TECR: variants seen among roughly 807,000 people sequenced by gnomAD.
TECR encodes the protein trans-2,3-enoyl-CoA reductase.
In TECR, 19 loss-of-function variants were observed where a neutral mutation model predicts 50.6. The observed-to-expected ratio is 0.38, with a 90% confidence interval of 0.26 to 0.55. TECR has a LOEUF of 0.55. Among genes scored for constraint, TECR ranks in the 20% least tolerant of loss-of-function variants. The probability of loss-of-function intolerance (pLI) is 0.79; values close to 1 mark genes in which losing one functional copy is unlikely to be tolerated. For synonymous variants in TECR, 168 were observed against 163.5 expected (o/e 1.03, Z -0.21); for missense variants, 313 against 408.3 (o/e 0.77, Z 2.01).
intron 1 of TECR, chr19:14,529,946 G>T (rs1599397198): frequency 3.3e-6 from 2 of 611,368 alleles, no homozygotes; most frequent in South Asian, 1.9e-5. Context: ...TTTCTTGGGG[G>T]TCTCTGCAGG....
intron 1 of TECR, among the ~76,000 whole-genome samples, chr19:14,557,710 C>T (rs1282290696): frequency 1.3e-5 from 2 of 151,248 alleles, no homozygotes; most frequent in Non-Finnish European, 2.9e-5. Context: ...CCTTGGCCTC[C>T]CAAAGTGCTA....
intron 1 of TECR, among the ~76,000 whole-genome samples, chr19:14,561,013 G>A (rs1436572968): frequency 1.3e-5 from 2 of 152,134 alleles, no homozygotes; most frequent in Non-Finnish European, 2.9e-5. Flanking sequence ...GGTCCCCCAG[G>A]GACTACAAGG....
intron 1 of TECR, among the ~76,000 whole-genome samples, chr19:14,538,053 G>T (rs2072967257): frequency 6.6e-6 from 1 of 152,148 alleles, no homozygotes; most frequent in African/African-American, 2.4e-5. Flanking sequence ...CAGTGTGAGT[G>T]CTTCTTATCT....
At chr19:14,542,790 G>C (rs1441683884) in intron 1 of TECR, among the ~76,000 whole-genome samples, 1 of 152,040 alleles carries the variant, frequency 6.6e-6, no homozygotes, top group Non-Finnish European at 1.5e-5. Flanking sequence ...GCTGCATGTG[G>C]GTCATGAGTG....
chr19:14,559,440 C>T (rs572914187), intron 1 of TECR, among the ~76,000 whole-genome samples: 6 of 152,146 alleles, frequency 3.9e-5, no homozygotes, highest in Middle Eastern at 3.4e-3. Context: ...TGTTTCCTAG[C>T]GTAACTTATT....
At chr19:14,529,486 C>A, upstream of TECR, 1 of 695,710 alleles carries the variant, frequency 1.4e-6, no homozygotes, top group Non-Finnish European at 2.6e-6. Flanking sequence ...TAGTCCTAGT[C>A]TTGGTTCGGA....
At chr19:14,549,904 C>T (rs2073435759) in intron 1 of TECR, among the ~76,000 whole-genome samples, 1 of 151,670 alleles carries the variant, frequency 6.6e-6, no homozygotes, top group Admixed American at 6.6e-5. Context: ...GATTGTGCCA[C>T]TGCGCTCCAG....
At chr19:14,529,512 A>T (rs1338335867), upstream of TECR, 1 of 773,556 alleles carries the variant, frequency 1.3e-6, no homozygotes, top group African/African-American at 1.7e-5. Context: ...CCCAAGGAGC[A>T]GGGGCGAACG....
At chr19:14,532,512 CAAAAAAAAAAAAA>C (rs748457923) in intron 1 of TECR, 1 of 73,708 alleles carries the variant, frequency 1.4e-5, no homozygotes, top group Admixed American at 1.5e-4. Flanking sequence ...GAGTCTGTCT[CAAAAAAAAAAAAA>C]AAAAAAAAAA....
chr19:14,565,659 C>T lies in TECR; in HGVS notation c.795C>T (p.Leu265=), dbSNP rs1158309573. 6.2e-7 allele frequency: 1 copy of T among 1,612,376 alleles called. No individual in the cohort carries two copies. Among genetic ancestry groups the T allele is most frequent in the East Asian group, 2.2e-5 (1 of 44,860 alleles). The change falls in exon 12 of 13, where the codon CTC becomes CTT. Residue 265 remains leucine (L), a synonymous_variant. Transcript: ENST00000215567. The part of the protein sequence containing the change: ...WIGFAIMTQC[L]PVALFSLVGF... ...GTTTCGCCATCATGACGCAGTGTCT[C>T]CCAGGTGAGCCTGCCGCCCTCCCTC...
chr19:14,561,621 A>G (rs1231334035), intron 1 of TECR, among the ~76,000 whole-genome samples: 1 of 152,096 alleles, frequency 6.6e-6, no homozygotes, highest in East Asian at 1.9e-4. Context: ...AGCCTGCCCC[A>G]CAGGTGGCTA....
chr19:14,564,039 G>A lies in TECR; in HGVS notation c.325G>A (p.Val109Met), dbSNP rs1568430685. Reference protein sequence around the residue: ...LFIYLLFYFRVPFIYGHKYDF... With the variant: ...LFIYLLFYFRMPFIYGHKYDF... ...CATCTACCTGCTCTTCTACTTCCGA[G>A]TGCCCTTCATCTATGGCCACAAATA... The change falls in exon 6 of 13, where the codon GTG becomes ATG. Residue 109 changes from valine to methionine, a missense_variant. Physicochemically the swap from Val to Met is conservative, Grantham distance 21 (BLOSUM62 1). Coordinates refer to ENST00000215567, the MANE Select transcript of TECR (RefSeq NM_138501.6). 1 of 1,613,868 alleles carries A rather than the reference G, an allele frequency of 6.2e-7. No homozygotes were observed. The highest frequency in any genetic ancestry group is 8.5e-7 in the Non-Finnish European group (1 of 1,179,940).
chr19:14,557,905 A>G (rs913951437), intron 1 of TECR, among the ~76,000 whole-genome samples: 2 of 151,458 alleles, frequency 1.3e-5, no homozygotes, highest in African/African-American at 4.9e-5. Flanking sequence ...ACAGGCACCC[A>G]CCACCGCACC....
chr19:14,551,852 C>T (rs1450924224), intron 1 of TECR, among the ~76,000 whole-genome samples: 1 of 150,654 alleles, frequency 6.6e-6, no homozygotes, highest in African/African-American at 2.4e-5. Context: ...TTGGTTTTAC[C>T]CTTATTTCTT....
chr19:14,556,562 C>T (rs969593917), intron 1 of TECR, among the ~76,000 whole-genome samples: 2 of 152,128 alleles, frequency 1.3e-5, no homozygotes, highest in Non-Finnish European at 2.9e-5. Context: ...GTCCCATGAA[C>T]CCCAGAGGCT....
chr19:14,555,181 C>T (rs556282550), intron 1 of TECR, among the ~76,000 whole-genome samples: 4 of 151,730 alleles, frequency 2.6e-5, no homozygotes, highest in East Asian at 1.9e-4. Flanking sequence ...TAGGCTTAAG[C>T]GATCCTTCTG....
At chr19:14,544,297 C>G (rs73927051) in intron 1 of TECR, among the ~76,000 whole-genome samples, 1,526 of 152,136 alleles carry the variant, frequency 0.01, 10 homozygotes, top group South Asian at 0.048. Context: ...TTGTGTAAGC[C>G]CCTGGCTCTC....
chr19:14,540,756 T>C (rs1014669659), intron 1 of TECR, among the ~76,000 whole-genome samples: 29 of 152,190 alleles, frequency 1.9e-4, no homozygotes, highest in Non-Finnish European at 5.9e-5. Flanking sequence ...CTCGAACTCT[T>C]GATCTTAAGT....
intron 1 of TECR, among the ~76,000 whole-genome samples, chr19:14,549,105 A>G (rs547520578): frequency 4.9e-4 from 75 of 152,180 alleles, no homozygotes; most frequent in Non-Finnish European, 9.4e-4. Context: ...TAGTCGGTTC[A>G]AAAGCCGGCA....
Sources: gnomAD v4.1 joint callset for allele counts (sites outside exome capture counted in the v4.1 genomes callset) on GRCh38, gnomAD v4.1.1 for gene constraint, MANE v1.5 for transcripts, NCBI Gene and HGNC (gene_info 2026-07-23, HGNC 2026-07-21) for gene names.